The following HS6ST2 variants were observed in gnomAD, a reference collection of about 807,000 sequenced individuals.
HS6ST2 encodes the protein heparan-sulfate 6-O-sulfotransferase 2.
HS6ST2 carries 17 observed loss-of-function variants against 33.0 expected under a neutral mutation model. That is an observed-to-expected ratio of 0.52 (90% CI 0.35 to 0.77). HS6ST2 has a LOEUF of 0.77. HS6ST2 is among the 30% of genes least tolerant of loss of function. The pLI, the probability that HS6ST2 is intolerant of heterozygous loss-of-function variation, is 0.01. For synonymous variants in HS6ST2, 248 were observed against 237.1 expected, an observed-to-expected ratio of 1.05 and a Z score of -0.42; for missense variants, 519 against 551.7, an observed-to-expected ratio of 0.94 and a Z score of 0.59.
chrX:132,637,887 ATATT>A (rs2063570648), intron 4 of HS6ST2, among the ~76,000 whole-genome samples: 1 of 56,267 alleles, frequency 1.8e-5, no homozygotes, highest in African/African-American at 1.1e-4. Flanking sequence ...TATATATATA[ATATT>A]TTATATATAA....
At chrX:132,738,778 A>C (rs968982781) in intron 2 of HS6ST2, among the ~76,000 whole-genome samples, 5 of 112,026 alleles carry the variant, frequency 4.5e-5, no homozygotes, top group Non-Finnish European at 9.4e-5. Context: ...TCTGGACCTT[A>C]GCTAGCTAGC....
At chrX:132,717,941 C>T (rs2064291656) in intron 2 of HS6ST2, among the ~76,000 whole-genome samples, 2 of 69,810 alleles carry the variant, frequency 2.9e-5, no homozygotes, top group Non-Finnish European at 5.7e-5. Flanking sequence ...GTTTCAAAAC[C>T]AGGACCAAAA....
intron 2 of HS6ST2, among the ~76,000 whole-genome samples, chrX:132,754,349 C>T (rs2064736701): frequency 1.8e-5 from 2 of 110,623 alleles, no homozygotes; most frequent in Admixed American, 9.6e-5. Context: ...ACATTGATCA[C>T]CTGGCTGAGG....
chrX:132,756,495 A>C (rs749878066), intron 2 of HS6ST2, among the ~76,000 whole-genome samples: 2 of 104,539 alleles, frequency 1.9e-5, no homozygotes, highest in Admixed American at 1.0e-4. Flanking sequence ...TCCCTCTCCC[A>C]CCTCCTTTCC....
chrX:132,644,029 T>A lies in HS6ST2; in HGVS notation c.1068-14936A>T, dbSNP rs185337048. Among the ~76,000 whole-genome samples the A allele has an allele frequency of 2.1e-4, 23 of 111,898 alleles. No homozygotes were observed. The Admixed American group carries it at 2.2e-3, about 11-fold the overall frequency. Reference sequence around the variant, plus strand: ...TCAGAAATAGTGACTCACTGCAAAGTGGATTTAAGGCCAGAGATAATTACT... The same window carrying A: ...TCAGAAATAGTGACTCACTGCAAAGAGGATTTAAGGCCAGAGATAATTACT... On this transcript the variant is annotated intron_variant, in intron 4 of 4. Transcript: ENST00000370833.
chrX:132,780,314 T>TA (rs2065006601), intron 2 of HS6ST2, among the ~76,000 whole-genome samples: 2 of 110,352 alleles, frequency 1.8e-5, no homozygotes, highest in Non-Finnish European at 3.8e-5. Context: ...TCCTTCAGTA[T>TA]AAAACTGCCC....
intron 4 of HS6ST2, among the ~76,000 whole-genome samples, chrX:132,641,611 C>T (rs762393734): frequency 8.8e-6 from 1 of 113,156 alleles, no homozygotes; most frequent in African/African-American, 3.2e-5. Flanking sequence ...CAAATAACCT[C>T]TCTGTGCTTC....
intron 2 of HS6ST2, among the ~76,000 whole-genome samples, chrX:132,941,054 A>C (rs971188305): frequency 8.0e-5 from 9 of 112,149 alleles, no homozygotes; most frequent in African/African-American, 2.9e-4. Context: ...GATTTAAAGC[A>C]AAACAAACAT....
chrX:132,938,036 C>A (rs2066844198), intron 2 of HS6ST2, among the ~76,000 whole-genome samples: 1 of 107,936 alleles, frequency 9.3e-6, no homozygotes, highest in Non-Finnish European at 1.9e-5. Flanking sequence ...GTGATGCACA[C>A]CTGTAGTCCC....
chrX:132,783,313 C>T, intron 2 of HS6ST2, among the ~76,000 whole-genome samples: 1 of 111,963 alleles, frequency 8.9e-6, no homozygotes, highest in Non-Finnish European at 1.9e-5. Flanking sequence ...ATCACAGAGA[C>T]AATGAAATAA....
chrX:132,953,455 C>T (rs1165071111), intron 2 of HS6ST2, among the ~76,000 whole-genome samples: 1 of 111,714 alleles, frequency 9.0e-6, no homozygotes, highest in East Asian at 2.8e-4. Flanking sequence ...CTTAACCATC[C>T]GCGGAGGCAG....
At chrX:132,767,820 C>T (rs905997377) in intron 2 of HS6ST2, among the ~76,000 whole-genome samples, 8 of 111,239 alleles carry the variant, frequency 7.2e-5, no homozygotes, top group Admixed American at 5.8e-4. Flanking sequence ...ATGCTTGTTA[C>T]TTTTTGAATG....
intron 2 of HS6ST2, among the ~76,000 whole-genome samples, chrX:132,835,268 A>C (rs974045317): frequency 9.0e-6 from 1 of 111,509 alleles, no homozygotes; most frequent in Middle Eastern, 4.6e-3. Context: ...CTTAATAAGC[A>C]GTTTGCTCAC....
rs397895430 is a variant in HS6ST2 at position 132,821,210 on chromosome X, C to CT, written c.948-112717dup. 2.8e-3 allele frequency among the ~76,000 whole-genome samples: 218 copies of CT among 77,044 alleles called. 2 individuals carry two copies. The South Asian group carries it at 0.033, about 12-fold the overall frequency. 66.9% of individuals were successfully genotyped at this position (77,044 alleles called of 115,157 possible). On this transcript the variant is annotated intron_variant, in intron 2 of 4. Coordinates refer to ENST00000370833, the MANE Select transcript of HS6ST2 (RefSeq NM_001394073.1). Reference sequence around the variant, plus strand: ...ATAGTTCCTGCTTCCCATTCCCATTCTTTTTTTTTTTTTTTTTTTCAAGAC... The same window carrying CT: ...ATAGTTCCTGCTTCCCATTCCCATTCTTTTTTTTTTTTTTTTTTTTCAAGAC...
intron 2 of HS6ST2, among the ~76,000 whole-genome samples, chrX:132,737,169 G>A (rs2064517367): frequency 9.0e-6 from 1 of 110,945 alleles, no homozygotes; most frequent in African/African-American, 3.3e-5. Context: ...GTGGGGAGTC[G>A]AGCAAAAAAA....
chrX:132,794,565 G>GATTATT (rs1292978481), intron 2 of HS6ST2, among the ~76,000 whole-genome samples: 54 of 97,301 alleles, frequency 5.5e-4, no homozygotes, highest in African/African-American at 2.1e-3. Context: ...GGATGATGAT[G>GATTATT]ATGATGATGA....
intron 2 of HS6ST2, among the ~76,000 whole-genome samples, chrX:132,770,484 G>C (rs939760407): frequency 5.4e-5 from 6 of 111,926 alleles, no homozygotes; most frequent in Non-Finnish European, 1.1e-4. Context: ...CATTCATCCA[G>C]TTCACTCTTA....
intron 2 of HS6ST2, among the ~76,000 whole-genome samples, chrX:132,738,083 T>G (rs775694961): frequency 1.5e-3 from 167 of 112,641 alleles, no homozygotes; most frequent in Non-Finnish European, 2.4e-3. Flanking sequence ...CACCTCCCTC[T>G]TAGAGCTCTC....
At chrX:132,709,812 AACACAC>A (rs60459374) in intron 2 of HS6ST2, among the ~76,000 whole-genome samples, 2 of 92,193 alleles carry the variant, frequency 2.2e-5, no homozygotes, top group South Asian at 6.2e-4. Context: ...GAAAAGACAA[AACACAC>A]ACACACACAC....
Sources: allele counts gnomAD v4.1 joint callset (sites outside exome capture counted in the v4.1 genomes callset), GRCh38; gene constraint gnomAD v4.1.1; transcripts MANE v1.5; gene names NCBI Gene and HGNC (gene_info 2026-07-23, HGNC 2026-07-21).